STX1B: variants seen among roughly 807,000 people sequenced by gnomAD.
The protein encoded by STX1B is syntaxin-1B.
Under a neutral mutation model 39.4 loss-of-function variants are expected in STX1B, and 7 were observed. The ratio of observed to expected loss-of-function variants is 0.18; its 90% confidence interval spans 0.10 to 0.33. The LOEUF (loss-of-function observed/expected upper bound fraction) is 0.33. Ranked by LOEUF, STX1B falls within the 10% of genes least tolerant of loss-of-function variation. The pLI is 1.00. For missense variants in STX1B, 198 were observed against 383.2 expected (o/e 0.52, Z 4.04); for synonymous variants, 136 against 144.1 (o/e 0.94, Z 0.40).
At chr16:31,009,272 C>G (rs1232477818) in intron 1 of STX1B, among the ~76,000 whole-genome samples, 1 of 152,136 alleles carries the variant, frequency 6.6e-6, no homozygotes, top group Non-Finnish European at 1.5e-5. Flanking sequence ...CAGTCTGCCC[C>G]CCACCCACTT....
intron 1 of STX1B, among the ~76,000 whole-genome samples, chr16:31,003,069 AG>A (rs1344695320): frequency 6.6e-6 from 1 of 152,132 alleles, no homozygotes; most frequent in Non-Finnish European, 1.5e-5. Context: ...GCCAAAACTC[AG>A]GATCAGCAGT....
chr16:30,996,454 G>A (rs1158749682), intron 7 of STX1B: 1 of 515,222 alleles, frequency 1.9e-6, no homozygotes, highest in Non-Finnish European at 3.5e-6. Context: ...ATGAGTTGGT[G>A]GGTGAATGTG....
intron 4 of STX1B, among the ~76,000 whole-genome samples, chr16:30,999,561 A>G (rs1213364996): frequency 6.6e-6 from 1 of 152,222 alleles, no homozygotes; most frequent in African/African-American, 2.4e-5. Flanking sequence ...ACCAGCACCC[A>G]AGTCCTTAAA....
chr16:31,010,450 G>C lies in STX1B; in HGVS notation c.-54C>G, dbSNP rs544500782. On this transcript the variant is annotated 5_prime_UTR_variant, in exon 1 of 10. Coordinates refer to ENST00000215095, the MANE Select transcript of STX1B (RefSeq NM_052874.5). The stretch of plus-strand genomic sequence containing the variant: ...GTCCTCCTGCCTCTGCTGCTGCTCC[G>C]GGTCTCCCGCCTCTGTGCCGGAGGC... The C allele has an allele frequency of 7.6e-5, 101 of 1,332,560 alleles. No homozygotes were observed. In the Admixed American group the frequency reaches 2.2e-3, roughly 29 times the overall value. 82.5% of individuals were successfully genotyped at this position (1,332,560 alleles called of 1,614,324 possible).
intron 1 of STX1B, among the ~76,000 whole-genome samples, chr16:31,003,463 C>T (rs1244821129): frequency 6.6e-6 from 1 of 152,140 alleles, no homozygotes; most frequent in African/African-American, 2.4e-5. Context: ...GGCCTCCTTC[C>T]CCTAGAGCCA....
rs759395603 is a variant in STX1B, at chr16:31,001,485, TGCTGGGGCTGGG to T, written c.105+32_105+43del. The T allele has an allele frequency of 2.8e-5, 38 of 1,366,090 alleles. No homozygotes were observed. Among genetic ancestry groups the T allele is most frequent in the Admixed American group, 3.9e-5 (2 of 51,690 alleles). 84.6% of individuals were successfully genotyped at this position (1,366,090 alleles called of 1,614,324 possible). On this transcript the variant is annotated intron_variant, in intron 2 of 9. Transcript: ENST00000215095. The surrounding 1 kb of genome is among the most constrained non-coding windows in gnomAD (Gnocchi z 5.5). ...GGTGGGACTAGGGGCTGGGGCTGGGTGCTGGGGCTGGGGCTGGGGCTGGGGGCCTTGGAGGCC... is the reference window on the plus strand; with the variant it reads ...GGTGGGACTAGGGGCTGGGGCTGGGTGCTGGGGCTGGGGGCCTTGGAGGCC...
intron 4 of STX1B, among the ~76,000 whole-genome samples, chr16:31,000,000 CTTTT>C (rs957640442): frequency 7.1e-6 from 1 of 140,744 alleles, no homozygotes. Context: ...TGGCAAAGTT[CTTTT>C]TTTTTTTTTT....
intron 4 of STX1B, among the ~76,000 whole-genome samples, chr16:31,000,726 G>A (rs548798078): frequency 7.9e-5 from 12 of 152,084 alleles, no homozygotes; most frequent in African/African-American, 2.9e-4. Flanking sequence ...TCCGGACCTC[G>A]TGATTCACCC....
rs1567376152 is a variant in STX1B, at chr16:30,992,400, C to G, written c.*421G>C. 1 of 187,682 alleles carries G rather than the reference C, an allele frequency of 5.3e-6. No individual in the cohort carries two copies. The highest frequency in any genetic ancestry group is 2.4e-5 in the African/African-American group (1 of 42,444). The allele number at this position is 187,682 out of a possible 1,614,324, so 11.6% of individuals were successfully genotyped here. On this transcript the variant is annotated 3_prime_UTR_variant, in exon 10 of 10. Transcript: ENST00000215095. ...ACGCACACACACTGTTCACAGAGGA[C>G]AGAGAGGGCGTGATGGACTGCTGTG...
At chr16:31,002,388 C>T (rs1204235388) in intron 1 of STX1B, among the ~76,000 whole-genome samples, 5 of 152,146 alleles carry the variant, frequency 3.3e-5, no homozygotes, top group African/African-American at 4.8e-5. Context: ...CAGACAGACT[C>T]GAGACACAGA....
intron 4 of STX1B, among the ~76,000 whole-genome samples, chr16:30,999,845 T>C (rs2056614813): frequency 6.6e-6 from 1 of 152,208 alleles, no homozygotes. Context: ...ACAGTCTCCT[T>C]TCCCTCATTT....
chr16:31,004,546 C>A (rs1334031752), intron 1 of STX1B, among the ~76,000 whole-genome samples: 30 of 152,060 alleles, frequency 2.0e-4, no homozygotes, highest in Non-Finnish European at 4.4e-5. Flanking sequence ...TGGTGGTGCG[C>A]ACCTGTAGTC....
rs2056573798 is a variant in STX1B at position 30,993,381 on chromosome 16, A to G, written c.641T>C (p.Met214Thr). ...TACGAGCATGGCCATGTCCACAAAC[A>G]TATCGTGCAGCTCGCGGATGCTGGT... is the stretch of plus-strand genomic sequence containing the variant. ...LETSIRELHD[M>T]FVDMAMLVES... Residue 214 changes from methionine to threonine, a missense_variant, in exon 8 of 10, where the codon ATG becomes ACG. Physicochemically the swap from Met to Thr is moderately conservative, Grantham distance 81. Coordinates refer to ENST00000215095, the MANE Select transcript of STX1B (RefSeq NM_052874.5). The G allele has an allele frequency of 6.2e-7, 1 of 1,613,944 alleles. No homozygotes were observed.
At chr16:30,994,099 T>G (rs1160754801) in intron 7 of STX1B, among the ~76,000 whole-genome samples, 4 of 151,390 alleles carry the variant, frequency 2.6e-5, no homozygotes, top group Admixed American at 1.3e-4. Context: ...AAGACTATCC[T>G]GGCTAATGCG....
chr16:30,993,871 G>A (rs1027269695), intron 7 of STX1B, among the ~76,000 whole-genome samples: 1 of 152,050 alleles, frequency 6.6e-6, no homozygotes, highest in African/African-American at 2.4e-5. Context: ...TGTAATCATA[G>A]CTACTCAGGA....
At chr16:31,002,055 A>T (rs1431477577) in intron 1 of STX1B, among the ~76,000 whole-genome samples, 1 of 151,974 alleles carries the variant, frequency 6.6e-6, no homozygotes, top group Non-Finnish European at 1.5e-5. Context: ...ACCTGACCAG[A>T]CATGTCCCCT....
intron 4 of STX1B, 85 bp downstream of exon 4, chr16:31,000,843 C>T: frequency 7.3e-7 from 1 of 1,378,508 alleles, no homozygotes; most frequent in Non-Finnish European, 1.0e-6. Context: ...GAGCAATTGG[C>T]CCCGCCTCGC....
intron 1 of STX1B, among the ~76,000 whole-genome samples, chr16:31,008,418 A>G (rs1596723074): frequency 6.9e-6 from 1 of 144,812 alleles, no homozygotes; most frequent in Non-Finnish European, 1.5e-5. Context: ...CCTCCCCCTT[A>G]CCCCGCTTAG....
chr16:30,993,501 G>A lies in STX1B; in HGVS notation c.538-17C>T. 6.2e-7 allele frequency: 1 copy of A among 1,612,710 alleles called. No homozygotes were observed. On this transcript the variant is annotated splice_polypyrimidine_tract_variant and intron_variant, in intron 7 of 9. Transcript: ENST00000215095. ...CATTTTGATCTAGGGTGACGAGGGA[G>A]AGAGCTACAATCACCCTTCTCCGCC...
Sources: gnomAD v4.1 joint callset for allele counts (sites outside exome capture counted in the v4.1 genomes callset) on GRCh38, gnomAD v4.1.1 for gene constraint, Gnocchi (gnomAD v3.1) non-coding constraint, MANE v1.5 for transcripts, NCBI Gene and HGNC (gene_info 2026-07-23, HGNC 2026-07-21) for gene names.